DNHD1: variants seen among roughly 807,000 people sequenced by gnomAD.
The protein encoded by DNHD1 is dynein heavy chain domain 1.
A neutral mutation model predicts 458.1 loss-of-function variants in DNHD1; 383 were observed. That is an observed-to-expected ratio of 0.84 (90% confidence interval 0.77 to 0.91). The LOEUF is 0.91. Ranked by LOEUF, DNHD1 falls within the 40% of genes least tolerant of loss-of-function variation. The probability of loss-of-function intolerance (pLI) is 0.00; values close to 1 mark genes in which losing one functional copy is unlikely to be tolerated. For missense variants in DNHD1, 5,336 were observed against 5,866.1 expected, an observed-to-expected ratio of 0.91 and a Z score of 2.95; for synonymous variants, 2,203 against 2,376.9, an observed-to-expected ratio of 0.93 and a Z score of 2.13.
chr11:6,499,077 G>A, intron 3 of DNHD1, 116 bp downstream of exon 3: 1 of 1,215,922 alleles, frequency 8.2e-7, no homozygotes, highest in Non-Finnish European at 1.1e-6. Flanking sequence ...ACAGGGATTA[G>A]CCCAACTCCA....
chr11:6,531,708 G>A (rs957189936), intron 12 of DNHD1, among the ~76,000 whole-genome samples: 3 of 152,096 alleles, frequency 2.0e-5, no homozygotes, highest in Non-Finnish European at 2.9e-5. Flanking sequence ...TTAGTACCCA[G>A]TCATCTTGGT....
At position 6,539,926 on chromosome 11, in the gene DNHD1, G is replaced by A; in HGVS notation, c.3471G>A (p.Arg1157=). The stretch of plus-strand genomic sequence containing the variant: ...TTCATGCCCAAGAGACTATACGGCG[G>A]TTGCAGCGGTACTGGGAAGCGCGCC... ...ERIHAQETIR[R]LQRYWEARQL... Residue 1157 remains arginine, a synonymous_variant, in exon 18 of 43, where the codon CGG becomes CGA. Coordinates refer to ENST00000254579, the MANE Select transcript of DNHD1 (RefSeq NM_144666.3). 6.4e-7 allele frequency: 1 copy of A among 1,551,762 alleles called. No individual in the cohort carries two copies. Among genetic ancestry groups the A allele is most frequent in the Non-Finnish European group, 8.7e-7 (1 of 1,146,996 alleles).
chr11:6,501,530 G>T (rs1852135864), intron 3 of DNHD1, among the ~76,000 whole-genome samples: 1 of 152,100 alleles, frequency 6.6e-6, no homozygotes, highest in African/African-American at 2.4e-5. Flanking sequence ...ACAGATAAGT[G>T]TGTGGGGGAA....
At chr11:6,508,662 T>C in intron 4 of DNHD1, 2 of 534,250 alleles carry the variant, frequency 3.7e-6, no homozygotes, top group Non-Finnish European at 3.3e-6. Flanking sequence ...GCTAGGTGCC[T>C]TTTTCTTTCT....
rs1158217495 is a variant in DNHD1, at chr11:6,534,170, A to G, written c.2995A>G (p.Thr999Ala). ...ACTGCACCACGCCTATGCCATCTTC[A>G]CTGGTACTGAGGATCCCTGCACCCT... ...SELHHAYAIF[T>A]EDETPVPLPI... The change falls in exon 14 of 43, where the codon ACT (threonine) becomes GCT (alanine). Residue 999 changes from threonine (T) to alanine (A), a missense_variant. By Grantham distance (58) the Thr-to-Ala change is moderately conservative. Around this residue, in one of 4 missense-constraint regions of DNHD1, gnomAD observed 3,932 missense variants for 4,365.6 expected, o/e 0.90. Coordinates refer to ENST00000254579, the MANE Select transcript of DNHD1 (RefSeq NM_144666.3). The G allele has an allele frequency of 3.9e-6, 6 of 1,550,588 alleles. No individual in the cohort carries two copies. The highest frequency in any genetic ancestry group is 2.4e-5 in the East Asian group (1 of 40,904).
At chr11:6,550,656 A>G (rs1397713706) in intron 24 of DNHD1, among the ~76,000 whole-genome samples, 2 of 152,214 alleles carry the variant, frequency 1.3e-5, no homozygotes, top group South Asian at 2.1e-4. Flanking sequence ...AAAAACACAG[A>G]TAGATTAAAA....
Position 6,571,991 on chromosome 11 carries a change from G to C in DNHD1, c.*5G>C. On this transcript the variant is annotated 3_prime_UTR_variant, in exon 43 of 43. Coordinates refer to ENST00000254579, the MANE Select transcript of DNHD1 (RefSeq NM_144666.3). This position sits in a 1 kb window ranked among gnomAD's most constrained non-coding sequence, Gnocchi z 5.0. ...TGCAGCCCACCCCTGTCTTGAGCCC[G>C]TCTACCAAAATAAAGTTGTAGTGAT... is the stretch of plus-strand genomic sequence containing the variant. 3 of 1,591,368 alleles carry C rather than the reference G, an allele frequency of 1.9e-6. No individual in the cohort carries two copies. The highest frequency in any genetic ancestry group is 2.6e-6 in the Non-Finnish European group (3 of 1,164,894).
Position 6,511,291 on chromosome 11 carries a change from C to T in DNHD1, c.1254C>T (p.His418=). The change falls in exon 7 of 43, where the codon CAC becomes CAT. Residue 418 remains histidine (H), a synonymous_variant. Transcript: ENST00000254579. ...ATTCTAGGCTTCTGCAGGAGCTACA[C>T]TCTGTGTCCTGGCTACCCCAGGAAC... is the stretch of plus-strand genomic sequence containing the variant. ...LHISRLLQEL[H]SVSWLPQELD... is the part of the protein sequence containing the mutation. 1.9e-6 allele frequency: 3 copies of T among 1,614,240 alleles called. No individual in the cohort carries two copies. Among genetic ancestry groups the T allele is most frequent in the South Asian group, 1.1e-5 (1 of 91,084 alleles).
chr11:6,556,570 C>A, intron 24 of DNHD1, 113 bp from the exon 25 acceptor site: 3 of 1,052,156 alleles, frequency 2.9e-6, no homozygotes, highest in Non-Finnish European at 4.0e-6. Context: ...AGTCCCAACA[C>A]GTCAGATTCA....
At chr11:6,511,561 T>C in intron 7 of DNHD1, 132 bp downstream of exon 7, 1 of 1,209,164 alleles carries the variant, frequency 8.3e-7, no homozygotes, top group Non-Finnish European at 1.1e-6. Context: ...AGAGCCATTT[T>C]CCTGCCCAGC....
chr11:6,508,850 C>T, intron 4 of DNHD1, 30 bp from the exon 5 acceptor site: 1 of 1,610,500 alleles, frequency 6.2e-7, no homozygotes, highest in Non-Finnish European at 8.5e-7. Flanking sequence ...GTTCCCAGGG[C>T]CTTCACTGAT....
chr11:6,529,206 G>A (rs1184340374), intron 12 of DNHD1, 85 bp downstream of exon 12: 39 of 1,439,908 alleles, frequency 2.7e-5, no homozygotes, highest in Admixed American at 8.2e-5. Context: ...AATGTCCTCC[G>A]GAGACCTTCG....
In DNHD1 at chr11:6,547,161, A is replaced by C. The variant is rs772100011; in HGVS notation, c.6222A>C (p.Thr2074=). Residue 2074 remains threonine, a synonymous_variant, in exon 21 of 43, where the codon ACA becomes ACC. Coordinates refer to ENST00000254579, the MANE Select transcript of DNHD1 (RefSeq NM_144666.3). ...ACAACATGGGCCAAAAGAGGCAGAC[A>C]GAGGAATCAATCGGGATCCAGCACT... The part of the protein sequence containing the change: ...QCNNMGQKRQ[T]EESIGIQHWI... 7.1e-6 allele frequency: 11 copies of C among 1,551,802 alleles called. No individual in the cohort carries two copies. In the East Asian group the frequency reaches 2.7e-4, roughly 38 times the overall value.
At chr11:6,541,368 C>G (rs1453423785) in intron 18 of DNHD1, among the ~76,000 whole-genome samples, 2 of 152,224 alleles carry the variant, frequency 1.3e-5, no homozygotes, top group African/African-American at 4.8e-5. Flanking sequence ...TACTTAAAAT[C>G]ACAACATAAC....
rs1853237193 is a variant in DNHD1, at chr11:6,547,101, C to G, written c.6162C>G (p.Ile2054Met). 1 of 1,551,634 alleles carries G rather than the reference C, an allele frequency of 6.4e-7. No individual in the cohort carries two copies. Among genetic ancestry groups the G allele is most frequent in the African/African-American group, 1.4e-5 (1 of 73,062 alleles). ...AGGGCTCCTGCTGGCATCATGGCAT[C>G]TTTCCCAAGGTACTTCGTGCAGCCG... ...WLEGSCWHHG[I>M]FPKVLRAAGQ... Residue 2054 changes from isoleucine (I) to methionine (M), a missense_variant, in exon 21 of 43, where the codon ATC becomes ATG. Around this residue, in one of 4 missense-constraint regions of DNHD1, gnomAD observed 3,932 missense variants for 4,365.6 expected, o/e 0.90. Transcript: ENST00000254579.
Position 6,570,933 on chromosome 11 carries a change from G to A in DNHD1, c.13421G>A (p.Gly4474Glu), listed in dbSNP as rs1409752312. 1.9e-6 allele frequency: 3 copies of A among 1,609,904 alleles called. No homozygotes were observed. Among genetic ancestry groups the A allele is most frequent in the African/African-American group, 1.3e-5 (1 of 74,838 alleles). ...DESDAPWSVL[G>E]PNARRPLEGV... ...TCCGACGCCCCGTGGTCAGTGCTGG[G>A]GCCAAATGCACGGCGGCCTCTGGAG... The change falls in exon 42 of 43, where the codon GGG (glycine) becomes GAG (glutamate). Residue 4474 changes from glycine to glutamate, a missense_variant. Gly to Glu is a moderately conservative substitution (Grantham distance 98). Coordinates refer to ENST00000254579, the MANE Select transcript of DNHD1 (RefSeq NM_144666.3).
intron 1 of DNHD1, 30 bp downstream of exon 1, chr11:6,497,361 T>C (rs1408279111): frequency 1.3e-5 from 2 of 152,584 alleles, no homozygotes; most frequent in African/African-American, 4.8e-5. Context: ...TCCATTTCTC[T>C]TTGTTCCCTA....
In DNHD1 at chr11:6,568,196, G is replaced by A. The variant is rs748255705; in HGVS notation, c.12492G>A (p.Pro4164=). 6.4e-5 allele frequency: 99 copies of A among 1,552,380 alleles called. No homozygotes were observed. The Admixed American group carries it at 1.2e-3, about 18-fold the overall frequency. ...ACTGTCATCTGATGCCCCATTGGCC[G>A]AAAGAGCTGCTACAGCTCTTGCTGG... The part of the protein sequence containing the change: ...LDNCHLMPHW[P]KELLQLLLEL... Residue 4164 remains proline, a synonymous_variant, in exon 37 of 43, where the codon CCG becomes CCA. Coordinates refer to ENST00000254579, the MANE Select transcript of DNHD1 (RefSeq NM_144666.3).
chr11:6,519,854 AGTGAGGTGGTGG>A lies in DNHD1; in HGVS notation c.1647+4_1647+15del. On this transcript the variant is annotated splice_donor_variant and splice_donor_5th_base_variant and intron_variant, in intron 8 of 42. Transcript: ENST00000254579. LOFTEE classifies it high-confidence loss of function. Reference sequence around the variant, plus strand: ...CCTCTTTTGTGGCCAACATCCTTCAAGTGAGGTGGTGGGTGGCATGTGTGGAGGTGGCAGGCA... The same window carrying A: ...CCTCTTTTGTGGCCAACATCCTTCAAGTGGCATGTGTGGAGGTGGCAGGCA... 6.2e-7 allele frequency: 1 copy of A among 1,612,664 alleles called. No homozygotes were observed. Among genetic ancestry groups the A allele is most frequent in the South Asian group, 1.1e-5 (1 of 91,072 alleles).
Sources: gnomAD v4.1 joint callset for allele counts (sites outside exome capture counted in the v4.1 genomes callset) on GRCh38, gnomAD v4.1.1 for gene constraint, gnomAD v4.1.1 regional missense constraint, Gnocchi (gnomAD v3.1) non-coding constraint, MANE v1.5 for transcripts, NCBI Gene and HGNC (gene_info 2026-07-23, HGNC 2026-07-21) for gene names.